MAGI1: variants seen among roughly 807,000 people sequenced by gnomAD.
MAGI1 encodes the protein membrane-associated guanylate kinase, WW and PDZ domain-containing protein 1.
A neutral mutation model predicts 139.9 loss-of-function variants in MAGI1; 58 were observed. That is an observed-to-expected ratio of 0.41 (90% CI 0.34 to 0.52). The LOEUF is 0.52. Among genes scored for constraint, MAGI1 ranks in the 20% least tolerant of loss-of-function variants. MAGI1 has a pLI of 0.12. For missense variants in MAGI1, 1,874 were observed against 1,901.6 expected (o/e 0.99, Z 0.27); for synonymous variants, 812 against 737.9 (o/e 1.10, Z -1.63).
At chr3:65,429,447 T>C in intron 12 of MAGI1, 73 bp downstream of exon 12, 2 of 1,448,646 alleles carry the variant, frequency 1.4e-6, no homozygotes, top group Non-Finnish European at 1.8e-6. Flanking sequence ...CCAGTGGTCA[T>C]CTGAAGATGA....
At chr3:65,716,963 G>A (rs759639615) in intron 1 of MAGI1, among the ~76,000 whole-genome samples, 6 of 152,104 alleles carry the variant, frequency 3.9e-5, no homozygotes, top group South Asian at 2.1e-4. Context: ...CCCCAAATAC[G>A]TCCTCATCCT....
At chr3:65,923,549 C>T (rs1213526034) in intron 1 of MAGI1, among the ~76,000 whole-genome samples, 1 of 151,980 alleles carries the variant, frequency 6.6e-6, no homozygotes, top group Admixed American at 6.6e-5. Flanking sequence ...AAATAATAAA[C>T]ATCATAAAAA....
At chr3:65,442,740 C>A in intron 8 of MAGI1, 52 bp downstream of exon 8, 1 of 1,342,224 alleles carries the variant, frequency 7.5e-7, no homozygotes, top group South Asian at 1.3e-5. Context: ...CACAAATGTA[C>A]ATAATTATAG....
chr3:65,631,633 CA>C (rs1485067649), intron 1 of MAGI1, among the ~76,000 whole-genome samples: 1 of 152,158 alleles, frequency 6.6e-6, no homozygotes, highest in African/African-American at 2.4e-5. Context: ...CCAGAAAGAT[CA>C]TATTAGCTTT....
intron 1 of MAGI1, among the ~76,000 whole-genome samples, chr3:65,623,592 A>G (rs17073205): frequency 0.037 from 5,700 of 152,264 alleles, 184 homozygotes; most frequent in African/African-American, 0.083. Flanking sequence ...GAAACAATGC[A>G]GCAACCCAGG....
chr3:65,734,451 C>T (rs2034498473), intron 1 of MAGI1, among the ~76,000 whole-genome samples: 1 of 128,912 alleles, frequency 7.8e-6, no homozygotes, highest in Non-Finnish European at 1.6e-5. Context: ...CAGAGTGAGA[C>T]CCTGTCAAGA....
intron 1 of MAGI1, among the ~76,000 whole-genome samples, chr3:65,784,636 C>T (rs561654165): frequency 2.3e-4 from 35 of 151,990 alleles, no homozygotes; most frequent in African/African-American, 8.0e-4. Flanking sequence ...ACCAAGAAGG[C>T]GGAGCTTGCA....
At chr3:65,937,365 G>A (rs558460763) in intron 1 of MAGI1, among the ~76,000 whole-genome samples, 4 of 152,190 alleles carry the variant, frequency 2.6e-5, no homozygotes, top group East Asian at 3.9e-4. Context: ...TTGAATGGCC[G>A]TGCTCAGTGT....
At chr3:66,031,977 A>T (rs1435353525) in intron 1 of MAGI1, among the ~76,000 whole-genome samples, 3 of 152,198 alleles carry the variant, frequency 2.0e-5, no homozygotes, top group Non-Finnish European at 2.9e-5. Flanking sequence ...CTTGAATAGG[A>T]TTCATTAATC....
rs898491731 is a variant in MAGI1, at chr3:65,765,525, C to T, written c.314-143437G>A. On this transcript the variant is annotated intron_variant, in intron 1 of 22. Coordinates refer to ENST00000402939, the MANE Select transcript of MAGI1 (RefSeq NM_001033057.2). ...AACATTGAAGTCATTTATCCAAAGTCGTTTAGCTAGAGAGTTGGAAGAGTC... is the reference window on the plus strand; with the variant it reads ...AACATTGAAGTCATTTATCCAAAGTTGTTTAGCTAGAGAGTTGGAAGAGTC... 3.9e-5 allele frequency among the ~76,000 whole-genome samples: 6 copies of T among 152,258 alleles called. No homozygotes were observed. The Middle Eastern group carries it at 0.01, about 259-fold the overall frequency.
chr3:65,406,046 A>G (rs1945315216), intron 12 of MAGI1, among the ~76,000 whole-genome samples: 1 of 152,126 alleles, frequency 6.6e-6, no homozygotes, highest in African/African-American at 2.4e-5. Context: ...TTTTTAAGAT[A>G]AATGCAGCAT....
At chr3:65,786,423 C>T (rs1204665973) in intron 1 of MAGI1, among the ~76,000 whole-genome samples, 1 of 151,806 alleles carries the variant, frequency 6.6e-6, no homozygotes. Flanking sequence ...CCTCCCACCT[C>T]GGCTTCCCAA....
chr3:65,775,712 G>A (rs2038360712), intron 1 of MAGI1, among the ~76,000 whole-genome samples: 1 of 151,662 alleles, frequency 6.6e-6, no homozygotes, highest in Non-Finnish European at 1.5e-5. Flanking sequence ...AGGCGGAGGT[G>A]GGCGGGTTGC....
intron 2 of MAGI1, among the ~76,000 whole-genome samples, chr3:65,512,883 T>A (rs1444707288): frequency 6.6e-6 from 1 of 151,594 alleles, no homozygotes; most frequent in East Asian, 1.9e-4. Context: ...ATATCCTTGA[T>A]GAACATTGAT....
intron 1 of MAGI1, among the ~76,000 whole-genome samples, chr3:65,703,604 C>A (rs906542503): frequency 6.6e-6 from 1 of 152,186 alleles, no homozygotes; most frequent in Non-Finnish European, 1.5e-5. Context: ...ATCTTGCAGT[C>A]ATCTCAGACT....
chr3:65,892,326 G>T (rs557385895), intron 1 of MAGI1, among the ~76,000 whole-genome samples: 22 of 152,196 alleles, frequency 1.4e-4, no homozygotes, highest in African/African-American at 5.1e-4. Flanking sequence ...ACTTAGTTAT[G>T]ATCGTCTATA....
chr3:65,703,057 C>T (rs371805480), intron 1 of MAGI1, among the ~76,000 whole-genome samples: 5 of 152,142 alleles, frequency 3.3e-5, no homozygotes, highest in African/African-American at 1.2e-4. Context: ...AGGCAGCCCA[C>T]CCTCCACGTT....
At chr3:65,441,880 A>G (rs1374062579) in intron 8 of MAGI1, among the ~76,000 whole-genome samples, 2 of 152,230 alleles carry the variant, frequency 1.3e-5, no homozygotes, top group East Asian at 3.9e-4. Context: ...CACTTTTTTC[A>G]TCTTGTGTTC....
rs952445309 is a variant in MAGI1 at position 65,996,250 on chromosome 3, T to C, written c.313+41746A>G. On this transcript the variant is annotated intron_variant, in intron 1 of 22. Coordinates refer to ENST00000402939, the MANE Select transcript of MAGI1 (RefSeq NM_001033057.2). ...ATGTTAAGGAGGATAAAAAAAATGA[T>C]ACCATGTATTTCAAGGTCTTCACCT... 1.4e-4 allele frequency among the ~76,000 whole-genome samples: 21 copies of C among 152,232 alleles called. No homozygotes were observed. The South Asian group carries it at 1.5e-3, about 11-fold the overall frequency.
Sources: gnomAD v4.1 joint callset for allele counts (sites outside exome capture counted in the v4.1 genomes callset) on GRCh38, gnomAD v4.1.1 for gene constraint, MANE v1.5 for transcripts, NCBI Gene and HGNC (gene_info 2026-07-23, HGNC 2026-07-21) for gene names.